The following PDE10A variants were observed in gnomAD, a reference collection of about 807,000 sequenced individuals.
PDE10A encodes cAMP and cAMP-inhibited cGMP 3',5'-cyclic phosphodiesterase 10A.
Under a neutral mutation model 97.7 loss-of-function variants are expected in PDE10A, and 39 were observed. That is an observed-to-expected ratio of 0.40 (90% confidence interval 0.31 to 0.52). The LOEUF is 0.52. Ranked by LOEUF, PDE10A falls within the 20% of genes least tolerant of loss-of-function variation. The pLI is 0.56. For synonymous variants in PDE10A, 371 were observed against 376.8 expected (o/e 0.98, Z 0.18); for missense variants, 731 against 1,047.8 (o/e 0.70, Z 4.17).
At chr6:165,564,360 AAG>A (rs1408298435) in intron 1 of PDE10A, among the ~76,000 whole-genome samples, 3 of 152,194 alleles carry the variant, frequency 2.0e-5, no homozygotes, top group African/African-American at 7.2e-5. Flanking sequence ...ACACAAATGC[AAG>A]AGGGAGAACA....
chr6:165,710,982 G>A lies in PDE10A; in HGVS notation c.-614-167414C>T, dbSNP rs571402116. Among the ~76,000 whole-genome samples, 4 of 152,334 alleles carry A rather than the reference G, an allele frequency of 2.6e-5. No individual in the cohort carries two copies. The East Asian group carries it at 7.7e-4, about 29-fold the overall frequency. On this transcript the variant is annotated intron_variant, in intron 1 of 19. Transcript: ENST00000366882. ...ATGCCAGGAAGGGCAGACCATCCCC[G>A]TGGGAGGCGGAACGGCAGAGCGGGT...
At chr6:165,386,554 A>T (rs1785312659) in intron 17 of PDE10A, among the ~76,000 whole-genome samples, 1 of 152,180 alleles carries the variant, frequency 6.6e-6, no homozygotes, top group South Asian at 2.1e-4. Flanking sequence ...TTCTTAAACA[A>T]ACAAATAGTC....
chr6:165,509,298 T>C (rs564615897), intron 2 of PDE10A, among the ~76,000 whole-genome samples: 6 of 152,202 alleles, frequency 3.9e-5, no homozygotes, highest in Admixed American at 1.3e-4. Flanking sequence ...CTTCTGCATA[T>C]GGATATCCAA....
At chr6:165,682,524 CTCATAAATGGGA>C (rs1279717308) in intron 1 of PDE10A, among the ~76,000 whole-genome samples, 2 of 152,082 alleles carry the variant, frequency 1.3e-5, no homozygotes, top group Admixed American at 1.3e-4. Flanking sequence ...AGGTGGAGCC[CTCATAAATGGGA>C]TTAGTGCCTT....
intron 1 of PDE10A, among the ~76,000 whole-genome samples, chr6:165,551,275 T>C (rs919518727): frequency 6.6e-6 from 1 of 152,204 alleles, no homozygotes; most frequent in Non-Finnish European, 1.5e-5. Context: ...AAATTCAACT[T>C]CATACACCTC....
intron 1 of PDE10A, among the ~76,000 whole-genome samples, chr6:165,630,341 C>G (rs1788573193): frequency 6.6e-6 from 1 of 152,102 alleles, no homozygotes; most frequent in South Asian, 2.1e-4. Flanking sequence ...GAGTGAGACC[C>G]TGTCTCAATT....
intron 1 of PDE10A, among the ~76,000 whole-genome samples, chr6:165,951,881 T>C (rs892026439): frequency 3.3e-5 from 5 of 152,274 alleles, no homozygotes; most frequent in African/African-American, 1.2e-4. Flanking sequence ...GGCCCAGCCC[T>C]GTTCTAGCTA....
intron 20 of PDE10A, 58 bp from the exon 21 acceptor site, chr6:165,336,269 GATATTTATA>G (rs918329404): frequency 9.0e-7 from 1 of 1,117,220 alleles, no homozygotes; most frequent in Non-Finnish European, 1.4e-6. Flanking sequence ...CAATTCCAGT[GATATTTATA>G]TTTCTTAAGT....
intron 1 of PDE10A, among the ~76,000 whole-genome samples, chr6:165,814,384 CA>C (rs1211492316): frequency 1.3e-5 from 2 of 152,160 alleles, no homozygotes; most frequent in Non-Finnish European, 2.9e-5. Context: ...TTATGAACAT[CA>C]CGTGAAATAA....
At chr6:165,899,742 C>T (rs908067895) in intron 1 of PDE10A, among the ~76,000 whole-genome samples, 9 of 152,226 alleles carry the variant, frequency 5.9e-5, no homozygotes, top group African/African-American at 2.2e-4. Context: ...GGTGCTGCGT[C>T]CTGTGGTTCA....
intron 1 of PDE10A, among the ~76,000 whole-genome samples, chr6:165,558,368 A>T (rs1364009962): frequency 6.6e-6 from 1 of 151,648 alleles, no homozygotes; most frequent in East Asian, 1.9e-4. Flanking sequence ...AAAACCAAAC[A>T]CCATATGTTC....
At chr6:165,450,996 C>T (rs1209408464) in intron 3 of PDE10A, among the ~76,000 whole-genome samples, 1 of 152,162 alleles carries the variant, frequency 6.6e-6, no homozygotes, top group African/African-American at 2.4e-5. Flanking sequence ...AAAATAATAT[C>T]ATACAAGAGC....
At chr6:165,459,538 C>T (rs867274206) in intron 3 of PDE10A, among the ~76,000 whole-genome samples, 5,942 of 125,084 alleles carry the variant, frequency 0.048, 249 homozygotes, top group African/African-American at 0.18. Flanking sequence ...GACAGACAGA[C>T]AGACAGACAG....
chr6:165,938,511 G>C (rs1230459982), intron 1 of PDE10A, among the ~76,000 whole-genome samples: 1 of 152,122 alleles, frequency 6.6e-6, no homozygotes, highest in East Asian at 1.9e-4. Context: ...TTTCAACTGA[G>C]GGCGCCAAGG....
Position 165,661,810 on chromosome 6 carries a change from G to A in PDE10A, c.865+137C>T, listed in dbSNP as rs1790279504. ...CACCGGCTCCTGCCCCTCCAGAGAAGCCCCCTGGGCGCTCCACGCCCGGGC... is the reference window on the plus strand; with the variant it reads ...CACCGGCTCCTGCCCCTCCAGAGAAACCCCCTGGGCGCTCCACGCCCGGGC... On this transcript the variant is annotated intron_variant, in intron 1 of 21. Coordinates refer to ENST00000539869, the MANE Select transcript of PDE10A (RefSeq NM_001385079.1). The surrounding 1 kb of genome is among the most constrained non-coding windows in gnomAD (Gnocchi z 4.8). 2 of 508,244 alleles carry A rather than the reference G, an allele frequency of 3.9e-6. No homozygotes were observed. Among genetic ancestry groups the A allele is most frequent in the Non-Finnish European group, 7.2e-6 (2 of 279,068 alleles). The allele number at this position is 508,244 out of a possible 1,614,324, so 31.5% of individuals were successfully genotyped here. A position where few individuals can be genotyped will look rare whatever the true frequency, so the allele number is the denominator to read the frequency against.
intron 1 of PDE10A, among the ~76,000 whole-genome samples, chr6:165,551,217 A>T (rs1242841766): frequency 1.3e-5 from 2 of 152,224 alleles, no homozygotes; most frequent in Non-Finnish European, 2.9e-5. Flanking sequence ...AATGAAGGTC[A>T]GCAGATGTAT....
chr6:165,534,648 T>G, intron 2 of PDE10A, among the ~76,000 whole-genome samples: 1 of 152,194 alleles, frequency 6.6e-6, no homozygotes, highest in Middle Eastern at 3.4e-3. Flanking sequence ...TTTCAACATA[T>G]GCAAATCAAT....
chr6:165,822,917 C>T (rs1779614582), intron 1 of PDE10A, among the ~76,000 whole-genome samples: 1 of 152,108 alleles, frequency 6.6e-6, no homozygotes, highest in Non-Finnish European at 1.5e-5. Context: ...TCACTGCAAG[C>T]TCCTCCTCCC....
intron 1 of PDE10A, among the ~76,000 whole-genome samples, chr6:165,884,533 C>T (rs1272717628): frequency 2.0e-5 from 3 of 152,200 alleles, no homozygotes; most frequent in African/African-American, 7.2e-5. Flanking sequence ...CTACCTTCCA[C>T]ACCTGTCTCC....
Sources: allele counts gnomAD v4.1 joint callset (sites outside exome capture counted in the v4.1 genomes callset), GRCh38; gene constraint gnomAD v4.1.1; non-coding constraint Gnocchi (gnomAD v3.1); transcripts MANE v1.5; gene names NCBI Gene and HGNC (gene_info 2026-07-23, HGNC 2026-07-21).